Variants in CSMD2 observed in about 807,000 individuals in gnomAD.
CSMD2 encodes the protein CUB and Sushi multiple domains 2, also known as CUB and sushi domain-containing protein 2.
Under a neutral mutation model 398.5 loss-of-function variants are expected in CSMD2, and 130 were observed. The ratio of observed to expected loss-of-function variants is 0.33; its 90% CI spans 0.28 to 0.38. The LOEUF is 0.38. CSMD2 is among the 10% of genes least tolerant of loss of function. The pLI, the probability that CSMD2 is intolerant of heterozygous loss-of-function variation, is 1.00. For synonymous variants in CSMD2, 1,828 were observed against 1,908.5 expected (o/e 0.96, Z 1.10); for missense variants, 3,829 against 4,764.9 (o/e 0.80, Z 5.78).
intron 22 of CSMD2, among the ~76,000 whole-genome samples, chr1:33,704,606 GC>G (rs1158989257): frequency 1.8e-4 from 27 of 152,150 alleles, no homozygotes; most frequent in African/African-American, 6.5e-4. Context: ...CTGTTTATAG[GC>G]TATTAGGTTG....
chr1:34,165,425 C>T (rs1366642398), upstream of CSMD2, among the ~76,000 whole-genome samples: 1 of 151,854 alleles, frequency 6.6e-6, no homozygotes, highest in African/African-American at 2.4e-5. Flanking sequence ...TATTGGGGGG[C>T]GGGGGTTCCT....
At chr1:33,998,746 T>G (rs1220800891) in intron 3 of CSMD2, among the ~76,000 whole-genome samples, 1 of 152,126 alleles carries the variant, frequency 6.6e-6, no homozygotes, top group East Asian at 1.9e-4. Context: ...CTGGTTAAAA[T>G]ATGATTATTA....
intron 13 of CSMD2, 75 bp downstream of exon 13, chr1:33,772,494 C>T: frequency 7.1e-7 from 1 of 1,413,618 alleles, no homozygotes; most frequent in Non-Finnish European, 9.8e-7. Context: ...AGGGACGGGG[C>T]CCCTGGATTA....
At chr1:33,810,574 A>G (rs1259570120) in intron 10 of CSMD2, among the ~76,000 whole-genome samples, 169 bp downstream of exon 10, 2 of 151,022 alleles carry the variant, frequency 1.3e-5, no homozygotes. Context: ...TTTTGCTTAT[A>G]TTTTATAATC....
At chr1:33,974,144 G>A (rs1297341464) in intron 3 of CSMD2, among the ~76,000 whole-genome samples, 3 of 152,178 alleles carry the variant, frequency 2.0e-5, no homozygotes, top group Admixed American at 6.5e-5. Context: ...TTACAGCCAC[G>A]AAAAATGTCC....
intron 37 of CSMD2, among the ~76,000 whole-genome samples, chr1:33,619,552 T>C (rs1641626393): frequency 6.6e-6 from 1 of 152,192 alleles, no homozygotes; most frequent in South Asian, 2.1e-4. Context: ...ATGCAAAAAC[T>C]GTGCATGAAC....
Position 33,890,235 on chromosome 1 carries a change from T to TC in CSMD2, c.920+27858_920+27859insG, listed in dbSNP as rs1473108864. ...AATATACATATTCTTTTTCTTTCTTTTTTTTTTTTTTTTGAGATGGAGTCT... is the reference window on the plus strand; with the variant it reads ...AATATACATATTCTTTTTCTTTCTTTCTTTTTTTTTTTTTGAGATGGAGTCT... On this transcript the variant is annotated intron_variant, in intron 5 of 70. Transcript: ENST00000373381. Among the ~76,000 whole-genome samples, 171 of 146,666 alleles carry TC rather than the reference T, an allele frequency of 1.2e-3. 1 individual carries two copies. Among genetic ancestry groups the TC allele is most frequent in the African/African-American group, 3.7e-3 (147 of 40,166 alleles).
intron 12 of CSMD2, among the ~76,000 whole-genome samples, chr1:33,777,211 G>A (rs77043449): frequency 0.072 from 10,989 of 152,144 alleles, 442 homozygotes; most frequent in Middle Eastern, 0.13. Flanking sequence ...GTGACTTCAC[G>A]GGAACTCAGA....
chr1:33,944,708 C>T (rs1351073061), intron 3 of CSMD2, among the ~76,000 whole-genome samples: 10 of 152,014 alleles, frequency 6.6e-5, no homozygotes, highest in Admixed American at 2.0e-4. Flanking sequence ...CTTATGCGGA[C>T]GGAGGTACTA....
intron 3 of CSMD2, among the ~76,000 whole-genome samples, chr1:34,002,226 G>C (rs1260097461): frequency 2.0e-5 from 3 of 152,208 alleles, no homozygotes; most frequent in Non-Finnish European, 4.4e-5. Context: ...CTTCTGGAAT[G>C]TTGAATTGTG....
Position 33,684,433 on chromosome 1 carries a change from C to G in CSMD2, c.4052+8497G>C, listed in dbSNP as rs770139457. On this transcript the variant is annotated intron_variant, in intron 25 of 70. Coordinates refer to ENST00000373381, the MANE Select transcript of CSMD2 (RefSeq NM_001281956.2). ...CCAGATCTCTGCAGGGAAAGCACATCGGCAGAGGACTGTCTCCTCTCCCTT... is the reference window on the plus strand; with the variant it reads ...CCAGATCTCTGCAGGGAAAGCACATGGGCAGAGGACTGTCTCCTCTCCCTT... 7.2e-5 allele frequency among the ~76,000 whole-genome samples: 11 copies of G among 152,202 alleles called. No individual in the cohort carries two copies. In the South Asian group the frequency reaches 1.2e-3, roughly 17 times the overall value.
intron 2 of CSMD2, among the ~76,000 whole-genome samples, chr1:34,076,785 C>T (rs1431091264): frequency 6.6e-6 from 1 of 150,750 alleles, no homozygotes; most frequent in African/African-American, 2.4e-5. Context: ...AATTAGCATA[C>T]TGTGGATATC....
Position 33,571,559 on chromosome 1 carries a change from G to A in CSMD2, c.7930C>T (p.Leu2644Phe), listed in dbSNP as rs767621570. Residue 2644 changes from leucine to phenylalanine, a missense_variant, in exon 51 of 71, where the codon CTC becomes TTC. Physicochemically the swap from Leu to Phe is conservative, Grantham distance 22 (BLOSUM62 0). This residue lies in a region of CSMD2 where 723 missense variants were observed against 758.6 expected (regional missense o/e 0.95). Transcript: ENST00000373381. ...CGGCAGGTGGGCGTAGAGTCCCCGA[G>A]GCTCCATTTGCCATTGGCCTGACAG... is the stretch of plus-strand genomic sequence containing the variant. ...IRCQANGKWS[L>F]GDSTPTCRII... The A allele has an allele frequency of 1.3e-6, 2 of 1,521,414 alleles. No individual in the cohort carries two copies. Among genetic ancestry groups the A allele is most frequent in the Non-Finnish European group, 1.8e-6 (2 of 1,120,036 alleles). The allele number at this position is 1,521,414 out of a possible 1,614,324, so 94.2% of individuals were successfully genotyped here.
intron 5 of CSMD2, among the ~76,000 whole-genome samples, chr1:33,852,043 G>T (rs1638746749): frequency 1.3e-5 from 2 of 152,026 alleles, no homozygotes; most frequent in Admixed American, 6.6e-5. Context: ...TGGTTACTAT[G>T]CTCTGAACAA....
chr1:33,849,698 C>A (rs532875892), intron 5 of CSMD2, among the ~76,000 whole-genome samples: 3 of 151,390 alleles, frequency 2.0e-5, no homozygotes, highest in Non-Finnish European at 4.4e-5. Flanking sequence ...AGAGGCCAAG[C>A]GGGGAGGATT....
At chr1:33,604,219 A>G (rs1640427059) in intron 42 of CSMD2, among the ~76,000 whole-genome samples, 1 of 152,266 alleles carries the variant, frequency 6.6e-6, no homozygotes, top group Non-Finnish European at 1.5e-5. Flanking sequence ...AAAGCCCAGG[A>G]TGAGGCTTGT....
At chr1:33,785,736 G>C (rs1653455000) in intron 12 of CSMD2, among the ~76,000 whole-genome samples, 1 of 152,192 alleles carries the variant, frequency 6.6e-6, no homozygotes, top group Non-Finnish European at 1.5e-5. Flanking sequence ...GTCTTTGCAA[G>C]ACACTGTGAA....
chr1:33,698,806 A>G lies in CSMD2; in HGVS notation c.3872T>C (p.Leu1291Pro), dbSNP rs1277900673. 6.2e-7 allele frequency: 1 copy of G among 1,614,028 alleles called. No homozygotes were observed. Residue 1291 changes from leucine to proline, a missense_variant, in exon 24 of 71, where the codon CTG (leucine) becomes CCG (proline). Leu to Pro is a moderately conservative substitution (Grantham distance 98). Transcript: ENST00000373381. ...GYSLRGSEEL[L>P]CLSGERRTWD... ...GGTCCGGCGCTCTCCACTCAGACAC[A>G]GCAGCTCCTCACTACCCCGCAGGCT...
intron 3 of CSMD2, among the ~76,000 whole-genome samples, chr1:33,969,472 T>C (rs537382390): frequency 8.6e-4 from 131 of 152,324 alleles, no homozygotes; most frequent in African/African-American, 2.8e-3. Flanking sequence ...TAGATAGATA[T>C]AGAGATTTTG....
Sources: allele counts gnomAD v4.1 joint callset (sites outside exome capture counted in the v4.1 genomes callset), GRCh38; gene constraint gnomAD v4.1.1; regional missense constraint gnomAD v4.1.1; transcripts MANE v1.5; gene names NCBI Gene and HGNC (gene_info 2026-07-23, HGNC 2026-07-21).